The following TMEM131 variants were observed in gnomAD, a reference collection of about 807,000 sequenced individuals.
TMEM131 encodes 2610524E03Rik.
TMEM131 carries 66 observed loss-of-function variants against 211.6 expected under a neutral mutation model. That is an observed-to-expected ratio of 0.31 (90% CI 0.26 to 0.38). The LOEUF (loss-of-function observed/expected upper bound fraction) is 0.38, where lower values mean the gene tolerates loss of function less well. TMEM131 is among the 10% of genes least tolerant of loss of function. The pLI is 1.00. For missense variants in TMEM131, 2,036 were observed against 2,299.3 expected, an observed-to-expected ratio of 0.89 and a Z score of 2.34; for synonymous variants, 844 against 841.3, an observed-to-expected ratio of 1.00 and a Z score of -0.06.
At chr2:97,833,555 A>C (rs1682806267) in intron 10 of TMEM131, 129 bp from the exon 11 acceptor site, 1 of 573,262 alleles carries the variant, frequency 1.7e-6, no homozygotes, top group Admixed American at 3.8e-5. Flanking sequence ...GATTAATAAA[A>C]AGAAACATTA....
chr2:97,896,159 C>A (rs190929866), intron 3 of TMEM131, among the ~76,000 whole-genome samples: 28 of 152,164 alleles, frequency 1.8e-4, no homozygotes, highest in Middle Eastern at 3.4e-3. Flanking sequence ...TTCAACTTCC[C>A]TGTAGTTGTG....
rs1050958902 is a variant in TMEM131 at position 97,813,821 on chromosome 2, C to T, written c.1617+150G>A. 1.2e-5 allele frequency: 7 copies of T among 601,196 alleles called. No individual in the cohort carries two copies. In the African/African-American group the frequency reaches 1.3e-4, roughly 11 times the overall value. 37.2% of individuals were successfully genotyped at this position (601,196 alleles called of 1,614,324 possible). ...TGCCAGAAAAGGTAAAAACTAGTTA[C>T]CTGGAAAGGTAAAAACTGACTAGGA... On this transcript the variant is annotated intron_variant, in intron 15 of 40. Transcript: ENST00000186436.
At chr2:97,843,822 G>C (rs908507702) in intron 6 of TMEM131, among the ~76,000 whole-genome samples, 6 of 151,922 alleles carry the variant, frequency 3.9e-5, no homozygotes, top group Non-Finnish European at 7.4e-5. Flanking sequence ...TTTTAATCTT[G>C]ACACTATTAT....
At chr2:97,927,130 C>T (rs1251085856) in intron 2 of TMEM131, among the ~76,000 whole-genome samples, 2 of 152,118 alleles carry the variant, frequency 1.3e-5, no homozygotes, top group African/African-American at 4.8e-5. Flanking sequence ...AAATACTATG[C>T]AACCACTCTC....
At chr2:97,878,400 C>T (rs913146772) in intron 4 of TMEM131, among the ~76,000 whole-genome samples, 16 of 152,142 alleles carry the variant, frequency 1.1e-4, no homozygotes, top group African/African-American at 3.6e-4. Context: ...CACATGCACA[C>T]GTATGTTTAC....
At chr2:97,944,476 C>T (rs954896521) in intron 1 of TMEM131, among the ~76,000 whole-genome samples, 5 of 152,036 alleles carry the variant, frequency 3.3e-5, no homozygotes, top group Admixed American at 6.6e-5. Context: ...TAGACTTTAT[C>T]AAAATTAAAA....
intron 11 of TMEM131, 99 bp downstream of exon 11, chr2:97,833,266 A>G (rs1479710541): frequency 3.2e-6 from 2 of 627,242 alleles, no homozygotes; most frequent in South Asian, 2.0e-5. Flanking sequence ...ATCACCAAAT[A>G]TAATTATTTT....
At chr2:97,941,805 T>C (rs914522812) in intron 1 of TMEM131, among the ~76,000 whole-genome samples, 1 of 152,144 alleles carries the variant, frequency 6.6e-6, no homozygotes, top group East Asian at 1.9e-4. Flanking sequence ...GAATGGTGAT[T>C]ATTCAAAAGT....
chr2:97,776,976 A>C (rs907302839), intron 31 of TMEM131, among the ~76,000 whole-genome samples: 1 of 152,224 alleles, frequency 6.6e-6, no homozygotes, highest in Non-Finnish European at 1.5e-5. Context: ...CAGAGAGTAA[A>C]ATGGACATAC....
chr2:97,766,679 C>T (rs1257470566), intron 33 of TMEM131, 77 bp from the exon 34 acceptor site: 6 of 1,541,402 alleles, frequency 3.9e-6, no homozygotes, highest in African/African-American at 2.7e-5. Flanking sequence ...GATTGTAATT[C>T]TTCTACAATA....
intron 13 of TMEM131, among the ~76,000 whole-genome samples, chr2:97,814,698 C>T (rs530036314): frequency 8.5e-5 from 13 of 152,084 alleles, no homozygotes; most frequent in Non-Finnish European, 1.6e-4. Flanking sequence ...TTACAAGGAG[C>T]TTTGCTAAAA....
intron 15 of TMEM131, among the ~76,000 whole-genome samples, chr2:97,813,685 T>C (rs1474117438): frequency 1.3e-5 from 2 of 152,238 alleles, no homozygotes; most frequent in African/African-American, 4.8e-5. Flanking sequence ...TTCTTTTCTA[T>C]ATTCCCCATT....
intron 11 of TMEM131, among the ~76,000 whole-genome samples, chr2:97,829,068 C>T (rs1408127220): frequency 6.6e-6 from 1 of 152,230 alleles, no homozygotes; most frequent in Non-Finnish European, 1.5e-5. Flanking sequence ...CTGGAGGACA[C>T]TACCACTGCA....
intron 4 of TMEM131, among the ~76,000 whole-genome samples, chr2:97,881,748 G>A (rs973959248): frequency 9.9e-5 from 14 of 141,584 alleles, no homozygotes; most frequent in Non-Finnish European, 1.8e-4. Flanking sequence ...GGAGGTAGAT[G>A]TTGAATAGGT....
At chr2:97,889,548 T>C (rs1001479480) in intron 3 of TMEM131, among the ~76,000 whole-genome samples, 17 of 148,846 alleles carry the variant, frequency 1.1e-4, no homozygotes, top group African/African-American at 3.9e-4. Context: ...TTAATTCCTA[T>C]ATAATATTAT....
At chr2:97,907,906 T>G (rs1676138306) in intron 3 of TMEM131, among the ~76,000 whole-genome samples, 1 of 152,136 alleles carries the variant, frequency 6.6e-6, no homozygotes. Context: ...TTACGCTGAA[T>G]CTTCTAAGCT....
intron 31 of TMEM131, among the ~76,000 whole-genome samples, chr2:97,791,616 C>T (rs932995520): frequency 2.0e-5 from 3 of 152,228 alleles, no homozygotes; most frequent in African/African-American, 7.2e-5. Context: ...TGACATCAGC[C>T]TTGGCCAACA....
intron 1 of TMEM131, among the ~76,000 whole-genome samples, chr2:97,935,035 A>C (rs914676522): frequency 6.6e-6 from 1 of 152,224 alleles, no homozygotes. Flanking sequence ...TCAAAATTAA[A>C]AACTTTGCCC....
intron 13 of TMEM131, among the ~76,000 whole-genome samples, chr2:97,814,952 A>AT (rs1461270438): frequency 2.6e-4 from 40 of 152,334 alleles, no homozygotes; most frequent in Admixed American, 1.7e-3. Context: ...AAAAAATCAG[A>AT]TTTTTGAATC....
Sources: allele counts gnomAD v4.1 joint callset (sites outside exome capture counted in the v4.1 genomes callset), GRCh38; gene constraint gnomAD v4.1.1; transcripts MANE v1.5; gene names NCBI Gene and HGNC (gene_info 2026-07-23, HGNC 2026-07-21).